Variants in AGMO observed in about 807,000 individuals in gnomAD.
The protein encoded by AGMO is alkylglycerol monooxygenase.
A neutral mutation model predicts 60.2 loss-of-function variants in AGMO; 75 were observed. That is an observed-to-expected ratio of 1.25 (90% CI 1.03 to 1.51). AGMO has a LOEUF of 1.51. Ranked by LOEUF, AGMO falls within the 40% of genes most tolerant of loss-of-function variation. The pLI is 0.00. For missense variants in AGMO, 763 were observed against 525.5 expected, an observed-to-expected ratio of 1.45 and a Z score of -4.42; for synonymous variants, 261 against 177.1, an observed-to-expected ratio of 1.47 and a Z score of -3.76.
intron 12 of AGMO, among the ~76,000 whole-genome samples, chr7:15,329,779 G>C (rs1286947722): frequency 1.3e-5 from 2 of 152,122 alleles, no homozygotes; most frequent in African/African-American, 4.8e-5. Context: ...GATGTCTTCG[G>C]AATTCAAAAC....
intron 12 of AGMO, among the ~76,000 whole-genome samples, chr7:15,280,357 A>G (rs553635320): frequency 6.6e-6 from 1 of 152,198 alleles, no homozygotes; most frequent in South Asian, 2.1e-4. Context: ...ACACTTCTTC[A>G]CAGCAGAGGC....
chr7:15,330,206 T>C (rs906061025), intron 12 of AGMO, among the ~76,000 whole-genome samples: 13 of 152,256 alleles, frequency 8.5e-5, no homozygotes, highest in African/African-American at 3.1e-4. Context: ...AAGTAATACA[T>C]CCATCTGCCA....
At chr7:15,213,226 G>A (rs1168301012) in intron 12 of AGMO, among the ~76,000 whole-genome samples, 12 of 151,548 alleles carry the variant, frequency 7.9e-5, no homozygotes, top group Admixed American at 1.3e-4. Context: ...ATATAAAGAA[G>A]TCTTCTATGT....
the AGMO span, among the ~76,000 whole-genome samples, chr7:15,180,577 T>C: frequency 1.3e-5 from 2 of 151,890 alleles, no homozygotes. Flanking sequence ...TAAGAAGATT[T>C]AGACTTTCCC....
intron 3 of AGMO, among the ~76,000 whole-genome samples, chr7:15,501,880 G>A (rs914571886): frequency 2.0e-5 from 3 of 152,068 alleles, no homozygotes; most frequent in Middle Eastern, 3.4e-3. Context: ...TTGATTTCAA[G>A]GAGCTTTCCC....
At chr7:15,555,820 A>G (rs1263371166) in intron 2 of AGMO, among the ~76,000 whole-genome samples, 1 of 152,052 alleles carries the variant, frequency 6.6e-6, no homozygotes, top group Non-Finnish European at 1.5e-5. Flanking sequence ...AACAAAGACA[A>G]AGTCTATTTA....
chr7:15,550,843 A>T (rs1216290361), intron 2 of AGMO, among the ~76,000 whole-genome samples: 29 of 141,498 alleles, frequency 2.0e-4, no homozygotes, highest in African/African-American at 7.5e-4. Flanking sequence ...CTGATACCAA[A>T]GCCAGGCAGA....
At chr7:15,387,642 A>G in intron 8 of AGMO, 102 bp from the exon 9 acceptor site, 4 of 1,000,732 alleles carry the variant, frequency 4.0e-6, no homozygotes, top group East Asian at 2.7e-5. Context: ...TAATTTACGT[A>G]TTTAAAACGT....
At chr7:15,396,265 G>A (rs752831900) in intron 5 of AGMO, 1 of 152,236 alleles carries the variant, frequency 6.6e-6, no homozygotes, top group Non-Finnish European at 1.5e-5. Flanking sequence ...GTTCTTAAGG[G>A]CAGCTTCTCC....
rs1563086818 is a variant in AGMO at position 15,322,695 on chromosome 7, A to ATAAAT, written c.1263+42818_1263+42819insATTTA. Among the ~76,000 whole-genome samples, 10 of 54,814 alleles carry ATAAAT rather than the reference A, an allele frequency of 1.8e-4. 2 individuals are homozygous for ATAAAT. Among genetic ancestry groups the ATAAAT allele is most frequent in the African/African-American group, 1.3e-3 (10 of 7,462 alleles). The allele number at this position is 54,814 out of a possible 152,430, so 36.0% of individuals were successfully genotyped here. ...AAATATATGTATATATAAATATATG[A>ATAAAT]ATATGTATAAATATATATAAATATA... is the stretch of plus-strand genomic sequence containing the variant. On this transcript the variant is annotated intron_variant, in intron 12 of 12. Transcript: ENST00000342526.
chr7:15,121,290 A>G, the AGMO span, among the ~76,000 whole-genome samples: 4 of 152,158 alleles, frequency 2.6e-5, no homozygotes, highest in Non-Finnish European at 5.9e-5. Context: ...ATACATGTGC[A>G]TGTGTCTTTA....
At chr7:15,130,707 T>C in the AGMO span, among the ~76,000 whole-genome samples, 1 of 144,070 alleles carries the variant, frequency 6.9e-6, no homozygotes, top group Non-Finnish European at 1.5e-5. Context: ...AAGAATATTT[T>C]GTGTTTGTTA....
intron 12 of AGMO, among the ~76,000 whole-genome samples, chr7:15,320,486 A>G (rs1781075300): frequency 6.6e-6 from 1 of 152,126 alleles, no homozygotes; most frequent in Admixed American, 6.6e-5. Context: ...ACTTTACAAA[A>G]AAGTTAAAAA....
At chr7:15,195,625 G>A (rs983553250), downstream of AGMO, among the ~76,000 whole-genome samples, 1 of 152,196 alleles carries the variant, frequency 6.6e-6, no homozygotes, top group Non-Finnish European at 1.5e-5. Context: ...TAGTCCCCAG[G>A]TAGCCCCTTT....
intron 10 of AGMO, among the ~76,000 whole-genome samples, chr7:15,385,209 G>A (rs1040228947): frequency 1.3e-5 from 2 of 152,138 alleles, no homozygotes; most frequent in African/African-American, 2.4e-5. Flanking sequence ...TTATCACACA[G>A]ATTCACAGCA....
chr7:15,194,995 G>T, the AGMO span, among the ~76,000 whole-genome samples: 1 of 152,150 alleles, frequency 6.6e-6, no homozygotes, highest in Non-Finnish European at 1.5e-5. Context: ...GTGTTGGTTG[G>T]ATTTGCCTGA....
intron 2 of AGMO, among the ~76,000 whole-genome samples, chr7:15,553,099 C>G (rs1785017682): frequency 6.7e-6 from 1 of 149,512 alleles, no homozygotes; most frequent in African/African-American, 2.5e-5. Flanking sequence ...CATATTCTCA[C>G]TCATAGGTGG....
chr7:15,455,338 T>C (rs1781973968), intron 3 of AGMO, among the ~76,000 whole-genome samples: 1 of 152,144 alleles, frequency 6.6e-6, no homozygotes, highest in Non-Finnish European at 1.5e-5. Context: ...ATTCTCCTAT[T>C]AATATATTCA....
At chr7:15,404,937 A>G (rs1192225995) in intron 5 of AGMO, among the ~76,000 whole-genome samples, 1 of 151,878 alleles carries the variant, frequency 6.6e-6, no homozygotes, top group African/African-American at 2.4e-5. Context: ...ATAAACTTTT[A>G]TCTGTTAAAA....
Sources: gnomAD v4.1 joint callset for allele counts (sites outside exome capture counted in the v4.1 genomes callset) on GRCh38, gnomAD v4.1.1 for gene constraint, MANE v1.5 for transcripts, NCBI Gene and HGNC (gene_info 2026-07-23, HGNC 2026-07-21) for gene names.